Variants in TF observed in about 807,000 individuals in gnomAD.
TF encodes serotransferrin.
A neutral mutation model predicts 82.4 loss-of-function variants in TF; 55 were observed. The observed-to-expected ratio is 0.67, with a 90% CI of 0.54 to 0.84. The LOEUF is 0.84. Among genes scored for constraint, TF ranks in the 40% least tolerant of loss-of-function variants. TF has a pLI of 0.00. For synonymous variants in TF, 332 were observed against 332.6 expected, an observed-to-expected ratio of 1.00 and a Z score of 0.02; for missense variants, 737 against 868.4, an observed-to-expected ratio of 0.85 and a Z score of 1.90.
chr3:133,715,436 A>T, the TF span, among the ~76,000 whole-genome samples: 1 of 152,054 alleles, frequency 6.6e-6, no homozygotes, highest in Non-Finnish European at 1.5e-5. Context: ...CCGGTTCAGG[A>T]TTGTTGCCCT....
At chr3:133,732,393 C>T in the TF span, among the ~76,000 whole-genome samples, 12 of 152,150 alleles carry the variant, frequency 7.9e-5, no homozygotes, top group South Asian at 4.2e-4. Flanking sequence ...CTCTGTAAAA[C>T]GGACCAATCA....
the TF span, among the ~76,000 whole-genome samples, chr3:133,718,972 A>T: frequency 6.6e-6 from 1 of 152,230 alleles, no homozygotes; most frequent in African/African-American, 2.4e-5. Context: ...AGCTAGGTAT[A>T]GAGGGACCTG....
At chr3:133,747,451 T>C (rs1292658581) in intron 1 of TF, among the ~76,000 whole-genome samples, 3 of 152,210 alleles carry the variant, frequency 2.0e-5, no homozygotes, top group Non-Finnish European at 4.4e-5. Flanking sequence ...TCATGCATCC[T>C]GGAGAGCTGT....
chr3:133,778,542 A>G, intron 16 of TF, 44 bp from the exon 17 acceptor site: 1 of 1,604,948 alleles, frequency 6.2e-7, no homozygotes. Flanking sequence ...AGAAATAAAT[A>G]TAGGAAGATT....
In TF at chr3:133,795,310, T is replaced by A. The variant is rs1307032517; in HGVS notation, c.*16690T>A. On this transcript the variant is annotated 3_prime_UTR_variant, in exon 17 of 17. Transcript: ENST00000402696. ...CTTGGTATTATCCTCCTGATAGTCA[T>A]AATAATAGTCTCCCTGGTGTGCTGT... 1 of 152,210 alleles carries A rather than the reference T, an allele frequency of 6.6e-6. No individual in the cohort carries two copies. The highest frequency in any genetic ancestry group is 1.5e-5 in the Non-Finnish European group (1 of 68,036). 9.4% of individuals were successfully genotyped at this position (152,210 alleles called of 1,614,324 possible). A position where few individuals can be genotyped will look rare whatever the true frequency, so the allele number is the denominator to read the frequency against.
chr3:133,699,112 A>G, the TF span, among the ~76,000 whole-genome samples: 3 of 152,266 alleles, frequency 2.0e-5, no homozygotes, highest in Non-Finnish European at 4.4e-5. Flanking sequence ...GATTAAATGC[A>G]ACAGAGCCTG....
the TF span, among the ~76,000 whole-genome samples, chr3:133,708,541 A>G: frequency 6.6e-6 from 1 of 152,060 alleles, no homozygotes; most frequent in Non-Finnish European, 1.5e-5. Context: ...GGAGAGTGAC[A>G]GGCAGGGGCT....
the TF span, among the ~76,000 whole-genome samples, chr3:133,738,191 A>G: frequency 2.4e-4 from 37 of 152,344 alleles, no homozygotes; most frequent in African/African-American, 7.7e-4. Flanking sequence ...CCATCACATA[A>G]ACAGAACCAA....
chr3:133,673,657 G>A, the TF span, among the ~76,000 whole-genome samples: 1 of 152,168 alleles, frequency 6.6e-6, no homozygotes, highest in African/African-American at 2.4e-5. Context: ...AGCAGAATTA[G>A]TCTATGTGTT....
At chr3:133,691,982 T>C in the TF span, among the ~76,000 whole-genome samples, 1 of 152,224 alleles carries the variant, frequency 6.6e-6, no homozygotes, top group East Asian at 1.9e-4. Context: ...TGCTAACTCC[T>C]GAGGGCTGGG....
At chr3:133,764,360 C>A in intron 10 of TF, 85 bp downstream of exon 10, 1 of 1,129,014 alleles carries the variant, frequency 8.9e-7, no homozygotes. Context: ...CTGATTCATA[C>A]CACAGCTGCC....
chr3:133,727,276 T>A, the TF span, among the ~76,000 whole-genome samples: 1 of 152,016 alleles, frequency 6.6e-6, no homozygotes, highest in Non-Finnish European at 1.5e-5. Flanking sequence ...CCCATTATTA[T>A]TGTGTGGGAG....
intron 14 of TF, chr3:133,771,068 T>C (rs185482219): frequency 5.9e-6 from 1 of 168,510 alleles, no homozygotes; most frequent in African/African-American, 2.4e-5. Context: ...AGCACCAAGA[T>C]ATTGGCTTGT....
At chr3:133,750,914 C>T (rs1210406119) in intron 2 of TF, among the ~76,000 whole-genome samples, 1 of 152,038 alleles carries the variant, frequency 6.6e-6, no homozygotes, top group East Asian at 1.9e-4. Context: ...AATGTGAGGA[C>T]TGGGGAAGGG....
At chr3:133,679,876 A>T in the TF span, among the ~76,000 whole-genome samples, 1 of 152,110 alleles carries the variant, frequency 6.6e-6, no homozygotes, top group Non-Finnish European at 1.5e-5. Context: ...CTTGACTTTG[A>T]GTAGTTGTGC....
At chr3:133,685,119 T>G in the TF span, among the ~76,000 whole-genome samples, 1 of 152,162 alleles carries the variant, frequency 6.6e-6, no homozygotes, top group African/African-American at 2.4e-5. Flanking sequence ...ATTATCTCAA[T>G]AGATGCAGAA....
chr3:133,776,218 G>A (rs112522333), intron 15 of TF, among the ~76,000 whole-genome samples: 1,665 of 152,270 alleles, frequency 0.011, 40 homozygotes, highest in African/African-American at 0.038. Flanking sequence ...GTGGATTTCT[G>A]TTCCTCTTGC....
At position 133,792,016 on chromosome 3, in the gene TF, C is replaced by A. The variant is rs944551944; in HGVS notation, c.*13396C>A. Reference sequence around the variant, plus strand: ...ATTATTGGTAAAATAAAAATATCTTCAAAATGTAAATATTTAGTCTAAATT... The same window carrying A: ...ATTATTGGTAAAATAAAAATATCTTAAAAATGTAAATATTTAGTCTAAATT... On this transcript the variant is annotated 3_prime_UTR_variant, in exon 17 of 17. Coordinates refer to ENST00000402696, the MANE Select transcript of TF (RefSeq NM_001063.4). The A allele has an allele frequency of 1.3e-5, 2 of 152,084 alleles. No individual in the cohort carries two copies. Among genetic ancestry groups the A allele is most frequent in the African/African-American group, 4.8e-5 (2 of 41,412 alleles). 9.4% of individuals were successfully genotyped at this position (152,084 alleles called of 1,614,324 possible).
At chr3:133,747,170 A>C (rs1309362885) in intron 1 of TF, 1 of 154,704 alleles carries the variant, frequency 6.5e-6, no homozygotes, top group Non-Finnish European at 1.4e-5. Flanking sequence ...CATTTGTCAC[A>C]CTGTTGGGGC....
Sources: allele counts gnomAD v4.1 joint callset (sites outside exome capture counted in the v4.1 genomes callset), GRCh38; gene constraint gnomAD v4.1.1; transcripts MANE v1.5; gene names NCBI Gene and HGNC (gene_info 2026-07-23, HGNC 2026-07-21).